CFAP20DC: variants seen among roughly 807,000 people sequenced by gnomAD.
The protein encoded by CFAP20DC is CFAP20 domain containing.
CFAP20DC carries 84 observed loss-of-function variants against 101.7 expected under a neutral mutation model. That is an observed-to-expected ratio of 0.83 (90% CI 0.69 to 0.99). The LOEUF is 0.99. CFAP20DC is among the 50% of genes least tolerant of loss of function. CFAP20DC has a pLI of 0.00. For synonymous variants in CFAP20DC, 359 were observed against 351.2 expected, an observed-to-expected ratio of 1.02 and a Z score of -0.25; for missense variants, 1,007 against 970.3, an observed-to-expected ratio of 1.04 and a Z score of -0.50.
At chr3:58,923,304 A>G (rs1000331910) in intron 5 of CFAP20DC, among the ~76,000 whole-genome samples, 1 of 152,170 alleles carries the variant, frequency 6.6e-6, no homozygotes, top group Non-Finnish European at 1.5e-5. Context: ...TATATTTACC[A>G]TTACTGGCAT....
intron 13 of CFAP20DC, among the ~76,000 whole-genome samples, chr3:58,848,122 C>G (rs1451495152): frequency 2.8e-5 from 4 of 140,418 alleles, no homozygotes; most frequent in Non-Finnish European, 6.2e-5. Flanking sequence ...ACATATGTAA[C>G]TAACCTGCAC....
chr3:58,767,470 T>C (rs1158957107), intron 15 of CFAP20DC, among the ~76,000 whole-genome samples: 1 of 152,222 alleles, frequency 6.6e-6, no homozygotes, highest in Admixed American at 6.5e-5. Context: ...GTGCTCTCAA[T>C]AGCATTTCTT....
At chr3:58,891,883 C>A (rs2082287341) in intron 6 of CFAP20DC, among the ~76,000 whole-genome samples, 1 of 152,216 alleles carries the variant, frequency 6.6e-6, no homozygotes, top group Non-Finnish European at 1.5e-5. Flanking sequence ...AATCTTTGCA[C>A]ATGCCTGTGT....
chr3:58,935,326 AT>A (rs1443096374), intron 5 of CFAP20DC, among the ~76,000 whole-genome samples: 1 of 152,040 alleles, frequency 6.6e-6, no homozygotes, highest in African/African-American at 2.4e-5. Flanking sequence ...AAGAATCAAT[AT>A]TGTGAAAATG....
In CFAP20DC at chr3:58,882,034, T is replaced by C. The variant is rs931277048; in HGVS notation, c.715+2511A>G. ...AGTGCAATTTATGTTTGTGTAATCT[T>C]AGCTGGCATACATGTGCAATGAGAT... On this transcript the variant is annotated intron_variant, in intron 7 of 16. Coordinates refer to ENST00000482387, the MANE Select transcript of CFAP20DC (RefSeq NM_001394063.1). The surrounding 1 kb of genome is among the most constrained non-coding windows in gnomAD (Gnocchi z 4.2). Among the ~76,000 whole-genome samples the C allele has an allele frequency of 1.3e-5, 2 of 152,150 alleles. No homozygotes were observed. The highest frequency in any genetic ancestry group is 4.8e-5 in the African/African-American group (2 of 41,452).
intron 7 of CFAP20DC, among the ~76,000 whole-genome samples, chr3:58,884,065 GA>G (rs1406031096): frequency 6.6e-6 from 1 of 151,604 alleles, no homozygotes; most frequent in South Asian, 2.1e-4. Flanking sequence ...AGCTCCTCTT[GA>G]AAAAAAATGG....
intron 1 of CFAP20DC, 137 bp downstream of exon 1, chr3:59,049,474 A>G: frequency 3.5e-6 from 3 of 850,066 alleles, no homozygotes; most frequent in Middle Eastern, 2.2e-4. Flanking sequence ...AACAGCATTC[A>G]CCCATTAATT....
chr3:58,941,792 G>T (rs1362214665), intron 4 of CFAP20DC, among the ~76,000 whole-genome samples: 1 of 152,016 alleles, frequency 6.6e-6, no homozygotes, highest in Non-Finnish European at 1.5e-5. Flanking sequence ...TCCTGACCTC[G>T]TGATCCGCCC....
intron 14 of CFAP20DC, among the ~76,000 whole-genome samples, chr3:58,820,973 C>A (rs2075591671): frequency 6.6e-6 from 1 of 151,148 alleles, no homozygotes; most frequent in South Asian, 2.1e-4. Context: ...AGAATAGAGC[C>A]CTCAGAAATA....
chr3:58,773,765 T>C (rs948451832), intron 15 of CFAP20DC, among the ~76,000 whole-genome samples: 4 of 152,212 alleles, frequency 2.6e-5, no homozygotes, highest in African/African-American at 4.8e-5. Context: ...AAGAGCCTGA[T>C]TTATTAAAAA....
intron 4 of CFAP20DC, among the ~76,000 whole-genome samples, chr3:58,948,039 C>T (rs1229905324): frequency 6.6e-6 from 1 of 152,148 alleles, no homozygotes; most frequent in East Asian, 1.9e-4. Context: ...GAACTTGGGT[C>T]CATGGGTGAA....
In CFAP20DC at chr3:59,049,479, T is replaced by C; in HGVS notation, c.21+132A>G. ...TCTCTGGGTCAACAGCATTCACCCA[T>C]TAATTCTGTCTTACCCCTGAAAAAG... is the stretch of plus-strand genomic sequence containing the variant. On this transcript the variant is annotated intron_variant, in intron 1 of 16. Coordinates refer to ENST00000482387, the MANE Select transcript of CFAP20DC (RefSeq NM_001394063.1). 12 of 881,548 alleles carry C rather than the reference T, an allele frequency of 1.4e-5. No homozygotes were observed. In the South Asian group the frequency reaches 1.4e-4, roughly 10 times the overall value. The allele number at this position is 881,548 out of a possible 1,614,324, so 54.6% of individuals were successfully genotyped here.
rs1212796570 is a variant in CFAP20DC at position 58,854,576 on chromosome 3, G to C, written c.1594-5167C>G. Among the ~76,000 whole-genome samples, 46 of 152,174 alleles carry C rather than the reference G, an allele frequency of 3.0e-4. No individual in the cohort carries two copies. The Middle Eastern group carries it at 0.01, about 34-fold the overall frequency. The stretch of plus-strand genomic sequence containing the variant: ...AAGCTGGAGGCATCAGGCTACCTGA[G>C]TTCAAACTATACTACAAGGCTACAG... On this transcript the variant is annotated intron_variant, in intron 12 of 16. Transcript: ENST00000482387.
chr3:58,746,703 G>GT (rs1347226485), intron 16 of CFAP20DC, among the ~76,000 whole-genome samples: 3 of 152,008 alleles, frequency 2.0e-5, no homozygotes, highest in Non-Finnish European at 4.4e-5. Flanking sequence ...AGGTTTTTTG[G>GT]TTTTTTTAGT....
Position 58,894,195 on chromosome 3 carries a change from C to T in CFAP20DC, c.551-9486G>A, listed in dbSNP as rs975816631. 2.6e-5 allele frequency among the ~76,000 whole-genome samples: 4 copies of T among 152,274 alleles called. No individual in the cohort carries two copies. The highest frequency in any genetic ancestry group is 1.3e-4 in the Admixed American group (2 of 15,300). On this transcript the variant is annotated intron_variant, in intron 6 of 16. Transcript: ENST00000482387. The surrounding 1 kb of genome is among the most constrained non-coding windows in gnomAD (Gnocchi z 4.1). Reference sequence around the variant, plus strand: ...GCCCCTCCCAAATCTCACGTCCTCACATTTCAAAGCCAATTATGCCTTCCC... The same window carrying T: ...GCCCCTCCCAAATCTCACGTCCTCATATTTCAAAGCCAATTATGCCTTCCC...
intron 4 of CFAP20DC, among the ~76,000 whole-genome samples, chr3:58,946,149 C>T (rs1464776146): frequency 2.2e-5 from 3 of 134,540 alleles, no homozygotes; most frequent in Non-Finnish European, 4.7e-5. Flanking sequence ...TGGAGTCTCA[C>T]TTTGTCACCC....
At chr3:58,773,813 G>C (rs1402509023) in intron 15 of CFAP20DC, among the ~76,000 whole-genome samples, 6 of 152,088 alleles carry the variant, frequency 3.9e-5, no homozygotes, top group East Asian at 1.9e-4. Flanking sequence ...TGTCAGTTCT[G>C]TCTATTCAAT....
In CFAP20DC at chr3:59,009,539, A is replaced by AATAT. The variant is rs543543539; in HGVS notation, c.278+30014_278+30017dup. Among the ~76,000 whole-genome samples the AATAT allele has an allele frequency of 1.6e-4, 24 of 152,298 alleles. No individual in the cohort carries two copies. The East Asian group carries it at 4.6e-3, about 29-fold the overall frequency. On this transcript the variant is annotated intron_variant, in intron 4 of 16. Coordinates refer to ENST00000482387, the MANE Select transcript of CFAP20DC (RefSeq NM_001394063.1). ...ATACAAAATGCAGTGAAGTCTCAACAATATACTAGAACAAGTAGAAGAAAT... is the reference window on the plus strand; with the variant it reads ...ATACAAAATGCAGTGAAGTCTCAACAATATATATACTAGAACAAGTAGAAGAAAT...
intron 12 of CFAP20DC, among the ~76,000 whole-genome samples, chr3:58,860,511 G>A (rs571888626): frequency 1.3e-5 from 2 of 152,106 alleles, no homozygotes; most frequent in African/African-American, 2.4e-5. Flanking sequence ...GAATAAATTC[G>A]GGGGTCCAAA....
Sources: gnomAD v4.1 joint callset for allele counts (sites outside exome capture counted in the v4.1 genomes callset) on GRCh38, gnomAD v4.1.1 for gene constraint, Gnocchi (gnomAD v3.1) non-coding constraint, MANE v1.5 for transcripts, NCBI Gene and HGNC (gene_info 2026-07-23, HGNC 2026-07-21) for gene names.